Variants in CNTNAP4 observed in about 807,000 individuals in gnomAD.
CNTNAP4 encodes the protein contactin-associated protein-like 4.
CNTNAP4 carries 98 observed loss-of-function variants against 148.4 expected under a neutral mutation model. The ratio of observed to expected loss-of-function variants is 0.66; its 90% CI spans 0.56 to 0.78. The LOEUF is 0.78. CNTNAP4 is among the 30% of genes least tolerant of loss of function. The pLI is 0.00. For synonymous variants in CNTNAP4, 730 were observed against 565.1 expected (o/e 1.29, Z -4.14); for missense variants, 1,935 against 1,565.6 (o/e 1.24, Z -3.98).
At position 76,309,843 on chromosome 16, in the gene CNTNAP4, T is replaced by C. The variant is rs1597146960; in HGVS notation, c.86-6570T>C. 16 of 700,806 alleles carry C rather than the reference T, an allele frequency of 2.3e-5. No homozygotes were observed. The East Asian group carries it at 4.3e-4, about 19-fold the overall frequency. 43.4% of individuals were successfully genotyped at this position (700,806 alleles called of 1,614,324 possible). A position where few individuals can be genotyped will look rare whatever the true frequency, so the allele number is the denominator to read the frequency against. ...TGGGTTGCTCAGGGGTTTCCGCTTT[T>C]GCTGCTTCCTCATTTTCTCTTGCAG... On this transcript the variant is annotated intron_variant, in intron 1 of 23. Coordinates refer to ENST00000611870, the MANE Select transcript of CNTNAP4 (RefSeq NM_033401.5).
At position 76,479,498 on chromosome 16, in the gene CNTNAP4, T is replaced by A. The variant is rs765333739; in HGVS notation, c.1842T>A (p.Ser614Arg). Residue 614 changes from serine (S) to arginine (R), a missense_variant, in exon 12 of 24, where the codon AGT becomes AGA. Transcript: ENST00000611870. ...TTTACTATATAGATTCAGATGGAAG[T>A]GGTCCCCTGGAACCATTTCTTCTAT... ...SGFYYIDSDG[S>R]GPLEPFLLYC... The A allele has an allele frequency of 3.7e-6, 6 of 1,611,072 alleles. No individual in the cohort carries two copies. In the South Asian group the frequency reaches 6.6e-5, roughly 18 times the overall value.
intron 2 of CNTNAP4, among the ~76,000 whole-genome samples, chr16:76,333,319 A>G (rs144621508): frequency 5.0e-4 from 76 of 152,258 alleles, no homozygotes; most frequent in South Asian, 2.1e-3. Context: ...CATATGCTCA[A>G]TCTATCTCTA....
At chr16:76,293,937 T>C (rs1001643488) in intron 1 of CNTNAP4, among the ~76,000 whole-genome samples, 1 of 152,114 alleles carries the variant, frequency 6.6e-6, no homozygotes, top group Non-Finnish European at 1.5e-5. Context: ...TGTTCTACAG[T>C]CATTTCCTAA....
At chr16:76,321,754 A>T (rs1473391188) in intron 2 of CNTNAP4, among the ~76,000 whole-genome samples, 1 of 143,868 alleles carries the variant, frequency 7.0e-6, no homozygotes, top group African/African-American at 2.6e-5. Context: ...ACACCACTGC[A>T]CTCCAGCCTG....
intron 1 of CNTNAP4, among the ~76,000 whole-genome samples, chr16:76,307,669 A>G (rs1162502908): frequency 2.0e-5 from 3 of 151,888 alleles, no homozygotes; most frequent in Non-Finnish European, 4.4e-5. Context: ...GCAGATTTCT[A>G]GATCTCTGAT....
At chr16:76,543,374 G>A (rs141385365) in intron 21 of CNTNAP4, among the ~76,000 whole-genome samples, 79 of 152,308 alleles carry the variant, frequency 5.2e-4, no homozygotes, top group African/African-American at 1.8e-3. Context: ...ATCAACAAGA[G>A]TTATTAATAT....
At chr16:76,544,450 G>T (rs1477559498) in intron 21 of CNTNAP4, among the ~76,000 whole-genome samples, 1 of 152,048 alleles carries the variant, frequency 6.6e-6, no homozygotes, top group Non-Finnish European at 1.5e-5. Context: ...TTAAGAAACA[G>T]TATCAAACTG....
At chr16:76,348,186 C>T (rs982744048) in intron 2 of CNTNAP4, among the ~76,000 whole-genome samples, 1 of 149,564 alleles carries the variant, frequency 6.7e-6, no homozygotes, top group African/African-American at 2.5e-5. Flanking sequence ...TCAAGCGTGA[C>T]TCTTTTTTTT....
intron 10 of CNTNAP4, among the ~76,000 whole-genome samples, chr16:76,474,548 A>C (rs2081493934): frequency 6.6e-6 from 1 of 152,178 alleles, no homozygotes; most frequent in African/African-American, 2.4e-5. Context: ...CCTTAGTTTT[A>C]ATAAAGGAGA....
At chr16:76,322,060 T>A (rs1962478881) in intron 2 of CNTNAP4, among the ~76,000 whole-genome samples, 1 of 152,142 alleles carries the variant, frequency 6.6e-6, no homozygotes, top group Non-Finnish European at 1.5e-5. Flanking sequence ...GTGGAGTTTG[T>A]TGGAAAACAG....
At chr16:76,330,458 A>T (rs1292695031) in intron 2 of CNTNAP4, among the ~76,000 whole-genome samples, 7 of 152,186 alleles carry the variant, frequency 4.6e-5, no homozygotes. Flanking sequence ...GTGCCTGCTT[A>T]TGACTTTCAA....
intron 10 of CNTNAP4, among the ~76,000 whole-genome samples, chr16:76,469,889 C>T (rs904408489): frequency 1.3e-5 from 2 of 151,908 alleles, no homozygotes; most frequent in African/African-American, 4.8e-5. Flanking sequence ...ATCTGTAAAC[C>T]TGTTGTCTTA....
intron 2 of CNTNAP4, among the ~76,000 whole-genome samples, chr16:76,351,327 G>T (rs775473584): frequency 1.3e-5 from 2 of 151,398 alleles, no homozygotes; most frequent in South Asian, 2.1e-4. Flanking sequence ...AGTTACGTTT[G>T]CATTTCATGT....
chr16:76,334,818 G>C (rs112270382), intron 2 of CNTNAP4, among the ~76,000 whole-genome samples: 110 of 152,056 alleles, frequency 7.2e-4, no homozygotes, highest in African/African-American at 2.6e-3. Context: ...TTCAATATGA[G>C]AGCTACTTAT....
intron 8 of CNTNAP4, among the ~76,000 whole-genome samples, chr16:76,461,067 A>T (rs921433697): frequency 1.3e-5 from 2 of 151,958 alleles, no homozygotes; most frequent in Non-Finnish European, 2.9e-5. Flanking sequence ...ACCCTAACTC[A>T]TGCGTGAATG....
chr16:76,297,610 C>T (rs1959448876), intron 1 of CNTNAP4, among the ~76,000 whole-genome samples: 1 of 152,044 alleles, frequency 6.6e-6, no homozygotes, highest in Non-Finnish European at 1.5e-5. Context: ...AATATATGTT[C>T]TCAGGCTATG....
intron 3 of CNTNAP4, among the ~76,000 whole-genome samples, chr16:76,382,035 TG>T (rs1161580773): frequency 8.7e-6 from 1 of 114,502 alleles, no homozygotes; most frequent in Non-Finnish European, 1.6e-5. Context: ...CGCTCTAGCC[TG>T]GGGGACAGAG....
At chr16:76,496,767 G>A (rs1001128694) in intron 14 of CNTNAP4, among the ~76,000 whole-genome samples, 3 of 152,224 alleles carry the variant, frequency 2.0e-5, no homozygotes, top group Non-Finnish European at 1.5e-5. Flanking sequence ...TATCCAGCAT[G>A]TTATAACATT....
At position 76,346,658 on chromosome 16, in the gene CNTNAP4, A is replaced by C. The variant is rs1431246869; in HGVS notation, c.197-8660A>C. Among the ~76,000 whole-genome samples the C allele has an allele frequency of 4.6e-5, 7 of 152,286 alleles. No homozygotes were observed. The Middle Eastern group carries it at 0.01, about 222-fold the overall frequency. On this transcript the variant is annotated intron_variant, in intron 2 of 23. Coordinates refer to ENST00000611870, the MANE Select transcript of CNTNAP4 (RefSeq NM_033401.5). ...TGAATTTCCAGACGTTATGTGCTAAAAATCATTTTTCCAAAACTACTAGTT... is the reference window on the plus strand; with the variant it reads ...TGAATTTCCAGACGTTATGTGCTAACAATCATTTTTCCAAAACTACTAGTT...
Sources: allele counts gnomAD v4.1 joint callset (sites outside exome capture counted in the v4.1 genomes callset), GRCh38; gene constraint gnomAD v4.1.1; transcripts MANE v1.5; gene names NCBI Gene and HGNC (gene_info 2026-07-23, HGNC 2026-07-21).